The following CDH13 variants were observed in gnomAD, a reference collection of about 807,000 sequenced individuals.
CDH13 encodes cadherin-13.
In CDH13, 24 loss-of-function variants were observed where a neutral mutation model predicts 63.8. That is an observed-to-expected ratio of 0.38 (90% CI 0.27 to 0.53). The LOEUF is 0.53. Among genes scored for constraint, CDH13 ranks in the 20% least tolerant of loss-of-function variants. CDH13 has a pLI of 0.85. For missense variants in CDH13, 1,049 were observed against 903.1 expected (o/e 1.16, Z -2.07); for synonymous variants, 503 against 355.3 (o/e 1.42, Z -4.67).
chr16:83,670,932 C>A lies in CDH13; in HGVS notation c.1244C>A (p.Thr415Asn). 1 of 1,609,894 alleles carries A rather than the reference C, an allele frequency of 6.2e-7. No homozygotes were observed. The highest frequency in any genetic ancestry group is 8.5e-7 in the Non-Finnish European group (1 of 1,176,968). Residue 415 changes from threonine (T) to asparagine (N), a missense_variant, in exon 9 of 14, where the codon ACC (threonine) becomes AAC (asparagine). By Grantham distance (65) the Thr-to-Asn change is moderately conservative. Transcript: ENST00000567109. ...GNPGQSFEIHTNPQTNEGMLS... is the reference protein window; with the variant it reads ...GNPGQSFEIHNNPQTNEGMLS... The stretch of plus-strand genomic sequence containing the variant: ...CCCGGGCAGAGCTTTGAAATCCACA[C>A]CAACCCTCAAACCAACGAAGGGATG...
In CDH13 at chr16:83,709,188, A is replaced by C. The variant is rs577468155; in HGVS notation, c.1538+30727A>C. On this transcript the variant is annotated intron_variant, in intron 10 of 13. Transcript: ENST00000567109. ...GGCATCTCTAGATTCTGGAAAGAGCAAAGAAACAAATTCTGCCCTGAAGAT... is the reference window on the plus strand; with the variant it reads ...GGCATCTCTAGATTCTGGAAAGAGCCAAGAAACAAATTCTGCCCTGAAGAT... Among the ~76,000 whole-genome samples, 8 of 152,326 alleles carry C rather than the reference A, an allele frequency of 5.3e-5. No individual in the cohort carries two copies. In the South Asian group the frequency reaches 1.7e-3, roughly 32 times the overall value.
chr16:82,647,101 C>T (rs1359030195), intron 1 of CDH13, among the ~76,000 whole-genome samples: 2 of 152,226 alleles, frequency 1.3e-5, no homozygotes, highest in Non-Finnish European at 2.9e-5. Flanking sequence ...AGCTCTGCCA[C>T]TGTAGGGCTG....
At chr16:82,934,205 T>G (rs2042592799) in intron 2 of CDH13, among the ~76,000 whole-genome samples, 1 of 152,222 alleles carries the variant, frequency 6.6e-6, no homozygotes, top group Non-Finnish European at 1.5e-5. Flanking sequence ...TCTTCTGAAG[T>G]CTAGGCAGAT....
chr16:83,452,082 C>T (rs947942841), intron 6 of CDH13, among the ~76,000 whole-genome samples: 1 of 152,162 alleles, frequency 6.6e-6, no homozygotes, highest in African/African-American at 2.4e-5. Context: ...ACGCACTCCC[C>T]ACCGCCTGAG....
intron 7 of CDH13, among the ~76,000 whole-genome samples, chr16:83,512,321 AAAATAAATAAAT>A (rs200161148): frequency 0.011 from 1,425 of 126,872 alleles, 28 homozygotes; most frequent in African/African-American, 0.035. Flanking sequence ...ACTCCGTCTC[AAAATAAATAAAT>A]AAATAAATAA....
At chr16:83,463,390 C>G (rs1410748701) in intron 6 of CDH13, among the ~76,000 whole-genome samples, 1 of 152,216 alleles carries the variant, frequency 6.6e-6, no homozygotes, top group African/African-American at 2.4e-5. Flanking sequence ...GGCTCCATGT[C>G]ACCCTCTCTC....
intron 3 of CDH13, among the ~76,000 whole-genome samples, chr16:83,033,881 G>C (rs1916608520): frequency 6.6e-6 from 1 of 152,068 alleles, no homozygotes; most frequent in South Asian, 2.1e-4. Flanking sequence ...TCTCCTACCT[G>C]CGAGCTTGGT....
intron 6 of CDH13, among the ~76,000 whole-genome samples, chr16:83,478,836 G>GAAAAAAAA (rs374669824): frequency 3.5e-4 from 39 of 111,922 alleles, no homozygotes; most frequent in Non-Finnish European, 4.2e-4. Context: ...TTGAAGATGA[G>GAAAAAAAA]AAAAAAAAAA....
chr16:83,334,936 T>G (rs1418395380), intron 5 of CDH13, among the ~76,000 whole-genome samples: 3 of 152,212 alleles, frequency 2.0e-5, no homozygotes, highest in Non-Finnish European at 4.4e-5. Context: ...GATAATATAT[T>G]CATATGTAAG....
chr16:83,647,106 C>T (rs920683262), intron 8 of CDH13, among the ~76,000 whole-genome samples: 1 of 151,816 alleles, frequency 6.6e-6, no homozygotes. Flanking sequence ...GTCAGGAGAT[C>T]GAGACCATCC....
At chr16:83,059,156 G>A (rs1162619543) in intron 3 of CDH13, among the ~76,000 whole-genome samples, 1 of 152,178 alleles carries the variant, frequency 6.6e-6, no homozygotes, top group Non-Finnish European at 1.5e-5. Flanking sequence ...GGTTGCTTCT[G>A]TACACAGGGG....
intron 3 of CDH13, among the ~76,000 whole-genome samples, chr16:83,051,669 A>C (rs1202963579): frequency 2.0e-5 from 3 of 152,238 alleles, no homozygotes; most frequent in African/African-American, 7.2e-5. Flanking sequence ...GTTCCCACTT[A>C]GAGCAAGATC....
chr16:82,684,127 C>T (rs999812295), intron 1 of CDH13, among the ~76,000 whole-genome samples: 4 of 152,136 alleles, frequency 2.6e-5, no homozygotes, highest in African/African-American at 4.8e-5. Context: ...GAGGTTCAAT[C>T]GTATTTGGGG....
At chr16:83,055,187 G>A (rs1243999195) in intron 3 of CDH13, among the ~76,000 whole-genome samples, 1 of 152,006 alleles carries the variant, frequency 6.6e-6, no homozygotes, top group Non-Finnish European at 1.5e-5. Flanking sequence ...AGATAAAGTA[G>A]AGGAAAGATT....
chr16:82,972,399 T>A (rs780510559), intron 2 of CDH13, among the ~76,000 whole-genome samples: 3 of 152,196 alleles, frequency 2.0e-5, no homozygotes, highest in Non-Finnish European at 4.4e-5. Context: ...GGCTCTTGTA[T>A]TTCTGAGTCC....
intron 10 of CDH13, among the ~76,000 whole-genome samples, chr16:83,730,843 T>A (rs1910963578): frequency 6.6e-6 from 1 of 152,194 alleles, no homozygotes; most frequent in South Asian, 2.1e-4. Context: ...GTCCCCAATG[T>A]CTATTGCTCC....
intron 10 of CDH13, among the ~76,000 whole-genome samples, chr16:83,718,213 C>G (rs77079294): frequency 0.11 from 17,354 of 152,206 alleles, 1,155 homozygotes; most frequent in Non-Finnish European, 0.15. Flanking sequence ...CACCACTATG[C>G]GTACAGGAGC....
At chr16:83,273,061 CTTG>C (rs1464976283) in intron 5 of CDH13, among the ~76,000 whole-genome samples, 2 of 152,160 alleles carry the variant, frequency 1.3e-5, no homozygotes, top group African/African-American at 4.8e-5. Context: ...AACTTCAGCA[CTTG>C]TTGTGGGGGG....
chr16:83,799,748 C>G lies in CDH13; in HGVS notation c.*4718C>G, dbSNP rs924214418. Reference sequence around the variant, plus strand: ...TGCTTTCAAAATGGTTCATCTAACACAATTAACAATTCTTTTACTATATGC... The same window carrying G: ...TGCTTTCAAAATGGTTCATCTAACAGAATTAACAATTCTTTTACTATATGC... On this transcript the variant is annotated 3_prime_UTR_variant, in exon 14 of 14. Transcript: ENST00000567109. The G allele has an allele frequency of 6.6e-6, 1 of 152,206 alleles. No individual in the cohort carries two copies. The highest frequency in any genetic ancestry group is 1.5e-5 in the Non-Finnish European group (1 of 68,038). 9.4% of individuals were successfully genotyped at this position (152,206 alleles called of 1,614,324 possible). A position where few individuals can be genotyped will look rare whatever the true frequency, so the allele number is the denominator to read the frequency against.
Sources: gnomAD v4.1 joint callset for allele counts (sites outside exome capture counted in the v4.1 genomes callset) on GRCh38, gnomAD v4.1.1 for gene constraint, MANE v1.5 for transcripts, NCBI Gene and HGNC (gene_info 2026-07-23, HGNC 2026-07-21) for gene names.